Variants in KIF21A observed in about 807,000 individuals in gnomAD.
KIF21A encodes the protein kinesin family member 21A.
A neutral mutation model predicts 202.9 loss-of-function variants in KIF21A; 114 were observed. The observed-to-expected ratio is 0.56, with a 90% CI of 0.48 to 0.66. KIF21A has a LOEUF of 0.66. Among genes scored for constraint, KIF21A ranks in the 30% least tolerant of loss-of-function variants. The probability of loss-of-function intolerance (pLI) is 0.00; values close to 1 mark genes in which losing one functional copy is unlikely to be tolerated. For missense variants in KIF21A, 1,677 were observed against 1,994.9 expected (o/e 0.84, Z 3.04); for synonymous variants, 667 against 670.8 (o/e 0.99, Z 0.09).
In KIF21A at chr12:39,346,435, T is replaced by C. The variant is rs1231363868; in HGVS notation, c.1712+31A>G. The C allele has an allele frequency of 2.1e-6, 3 of 1,439,626 alleles. No individual in the cohort carries two copies. The South Asian group carries it at 4.5e-5, about 22-fold the overall frequency. The allele number at this position is 1,439,626 out of a possible 1,614,324, so 89.2% of individuals were successfully genotyped here. ...ATGGCAACTAAGTATTTAAACGACA[T>C]TTTAATAAAAAACCTGGGAAATATT... On this transcript the variant is annotated intron_variant, in intron 12 of 37. Coordinates refer to ENST00000361418, the MANE Select transcript of KIF21A (RefSeq NM_001173464.2).
At chr12:39,365,903 T>C (rs1215089816) in intron 6 of KIF21A, among the ~76,000 whole-genome samples, 7 of 152,054 alleles carry the variant, frequency 4.6e-5, no homozygotes, top group Admixed American at 4.6e-4. Flanking sequence ...CCAGCTTCTA[T>C]GAAGTGGGAA....
Position 39,355,707 on chromosome 12 carries a change from T to TTTTATA in KIF21A, c.1469+1124_1469+1125insTATAAA, listed in dbSNP as rs1351512351. Among the ~76,000 whole-genome samples, 108 of 101,230 alleles carry TTTTATA rather than the reference T, an allele frequency of 1.1e-3. 6 individuals carry two copies. The highest frequency in any genetic ancestry group is 5.1e-3 in the African/African-American group (105 of 20,630). The allele number at this position is 101,230 out of a possible 152,430, so 66.4% of individuals were successfully genotyped here. A position where few individuals can be genotyped will look rare whatever the true frequency, so the allele number is the denominator to read the frequency against. ...TACCAAAAACATGAAGCATGAACAATTATATATATATATATATATATATAT... is the reference window on the plus strand; with the variant it reads ...TACCAAAAACATGAAGCATGAACAATTTTATATATATATATATATATATATATATAT... On this transcript the variant is annotated intron_variant, in intron 10 of 37. Coordinates refer to ENST00000361418, the MANE Select transcript of KIF21A (RefSeq NM_001173464.2).
chr12:39,427,508 G>T (rs1954859266), intron 1 of KIF21A, among the ~76,000 whole-genome samples: 1 of 152,150 alleles, frequency 6.6e-6, no homozygotes, highest in Non-Finnish European at 1.5e-5. Flanking sequence ...GAAGGGATTT[G>T]AACTCAAAGT....
At chr12:39,352,699 A>ACGTC (rs1279118206) in intron 10 of KIF21A, among the ~76,000 whole-genome samples, 1 of 152,180 alleles carries the variant, frequency 6.6e-6, no homozygotes, top group Admixed American at 6.6e-5. Context: ...AAACTGGCTG[A>ACGTC]CGGACATCTG....
chr12:39,337,251 T>C (rs1251228426), intron 16 of KIF21A, 48 bp from the exon 17 acceptor site: 1 of 1,162,328 alleles, frequency 8.6e-7, no homozygotes, highest in South Asian at 1.2e-5. Flanking sequence ...TGTCACAACA[T>C]TCATTAAATC....
intron 36 of KIF21A, among the ~76,000 whole-genome samples, 196 bp downstream of exon 36, chr12:39,302,769 G>A (rs11830631): frequency 0.049 from 7,487 of 152,072 alleles, 627 homozygotes; most frequent in African/African-American, 0.17. Flanking sequence ...TTATCTAGCG[G>A]GTATTATTCA....
chr12:39,404,298 C>G (rs1008525993), intron 1 of KIF21A, among the ~76,000 whole-genome samples: 1 of 152,114 alleles, frequency 6.6e-6, no homozygotes, highest in Non-Finnish European at 1.5e-5. Context: ...AATGTAGGAG[C>G]CACTGACATA....
intron 6 of KIF21A, among the ~76,000 whole-genome samples, chr12:39,364,901 G>A (rs1214309560): frequency 6.6e-6 from 1 of 152,180 alleles, no homozygotes; most frequent in East Asian, 1.9e-4. Flanking sequence ...AAGATTATTA[G>A]AAATTATGAT....
At chr12:39,393,977 A>T (rs560300425) in intron 1 of KIF21A, among the ~76,000 whole-genome samples, 2 of 152,344 alleles carry the variant, frequency 1.3e-5, no homozygotes, top group African/African-American at 4.8e-5. Context: ...TAGCAATACA[A>T]GCATTGCAGC....
intron 1 of KIF21A, among the ~76,000 whole-genome samples, chr12:39,424,033 TTCATCTTCCCACTCTCATATCCAAC>T (rs1398434737): frequency 6.8e-6 from 1 of 147,672 alleles, no homozygotes. Context: ...AGAGAACTAC[TTCATCTTCCCACTCTCATATCCAAC>T]AACTTACATG....
chr12:39,315,179 T>G, intron 31 of KIF21A, 50 bp downstream of exon 31: 1 of 1,553,728 alleles, frequency 6.4e-7, no homozygotes. Flanking sequence ...ACCTGTAAGG[T>G]CTTTTGATAC....
chr12:39,393,703 G>A (rs1951534869), intron 1 of KIF21A, among the ~76,000 whole-genome samples: 1 of 152,178 alleles, frequency 6.6e-6, no homozygotes, highest in Non-Finnish European at 1.5e-5. Flanking sequence ...AGTATTAAGA[G>A]AAAAAGAATA....
At chr12:39,299,996 T>C (rs909878542) in intron 37 of KIF21A, among the ~76,000 whole-genome samples, 1 of 151,908 alleles carries the variant, frequency 6.6e-6, no homozygotes, top group Non-Finnish European at 1.5e-5. Context: ...AAAGTAACTA[T>C]TGGATACTAG....
intron 1 of KIF21A, among the ~76,000 whole-genome samples, chr12:39,407,459 T>G (rs1271700660): frequency 1.3e-5 from 2 of 152,188 alleles, no homozygotes; most frequent in African/African-American, 4.8e-5. Context: ...GAAAACCCAC[T>G]GTCAAAGACA....
At chr12:39,298,298 A>T (rs1942611125) in intron 37 of KIF21A, among the ~76,000 whole-genome samples, 1 of 152,218 alleles carries the variant, frequency 6.6e-6, no homozygotes, top group South Asian at 2.1e-4. Flanking sequence ...AGATCTATGC[A>T]GAGAAAAGAA....
At chr12:39,316,708 T>A (rs919727863) in intron 29 of KIF21A, among the ~76,000 whole-genome samples, 1 of 152,148 alleles carries the variant, frequency 6.6e-6, no homozygotes, top group Admixed American at 6.5e-5. Flanking sequence ...ATGTGGGAGA[T>A]CTGCGTCTTG....
chr12:39,311,328 T>A, intron 32 of KIF21A, 89 bp downstream of exon 32: 1 of 1,199,536 alleles, frequency 8.3e-7, no homozygotes, highest in South Asian at 1.3e-5. Flanking sequence ...TGGTCTTAAA[T>A]AGTTTGACAG....
intron 1 of KIF21A, among the ~76,000 whole-genome samples, chr12:39,432,167 T>C (rs886154884): frequency 5.3e-5 from 8 of 152,240 alleles, no homozygotes; most frequent in African/African-American, 9.6e-5. Context: ...AGTTATGGTC[T>C]TGTGTTTGAT....
At chr12:39,384,439 G>C (rs1318356515) in intron 1 of KIF21A, among the ~76,000 whole-genome samples, 1 of 152,166 alleles carries the variant, frequency 6.6e-6, no homozygotes, top group African/African-American at 2.4e-5. Context: ...GACAGAAGCT[G>C]AAACTTGTAG....
Sources: allele counts gnomAD v4.1 joint callset (sites outside exome capture counted in the v4.1 genomes callset), GRCh38; gene constraint gnomAD v4.1.1; transcripts MANE v1.5; gene names NCBI Gene and HGNC (gene_info 2026-07-23, HGNC 2026-07-21).